COMMD1: variants seen among roughly 807,000 people sequenced by gnomAD.
COMMD1 encodes copper metabolism domain containing 1.
COMMD1 carries 10 observed loss-of-function variants against 17.2 expected under a neutral mutation model. The ratio of observed to expected loss-of-function variants is 0.58; its 90% CI spans 0.36 to 0.99. COMMD1 has a LOEUF of 0.99. Ranked by LOEUF, COMMD1 falls within the 50% of genes least tolerant of loss-of-function variation. The pLI, the probability that COMMD1 is intolerant of heterozygous loss-of-function variation, is 0.01. For missense variants in COMMD1, 270 were observed against 231.8 expected, an observed-to-expected ratio of 1.17 and a Z score of -1.07; for synonymous variants, 97 against 91.6, an observed-to-expected ratio of 1.06 and a Z score of -0.34.
intron 1 of COMMD1, among the ~76,000 whole-genome samples, chr2:61,988,132 G>A (rs967389041): frequency 6.6e-6 from 1 of 152,128 alleles, no homozygotes; most frequent in Non-Finnish European, 1.5e-5. Context: ...TGAGGCTCCA[G>A]AGTCTGTTTG....
chr2:61,970,170 A>G (rs1351787424), intron 1 of COMMD1, among the ~76,000 whole-genome samples: 20 of 151,816 alleles, frequency 1.3e-4, no homozygotes, highest in Admixed American at 1.3e-3. Flanking sequence ...AGGCAGGGGA[A>G]TCGCTTGAAC....
chr2:62,081,550 C>G (rs1346763332), intron 2 of COMMD1, among the ~76,000 whole-genome samples: 1 of 151,980 alleles, frequency 6.6e-6, no homozygotes, highest in Non-Finnish European at 1.5e-5. Context: ...GTGCCTGGCC[C>G]AATCTAGATT....
intron 2 of COMMD1, chr2:62,118,945 A>C (rs988275408): frequency 6.6e-6 from 1 of 152,266 alleles, no homozygotes; most frequent in Non-Finnish European, 1.5e-5. Context: ...CTTGATAAGC[A>C]CAGGACCCTC....
intron 2 of COMMD1, among the ~76,000 whole-genome samples, chr2:62,017,662 C>T (rs1188204144): frequency 6.6e-6 from 1 of 151,112 alleles, no homozygotes; most frequent in African/African-American, 2.4e-5. Flanking sequence ...AAGAGTGAGA[C>T]CCTGTCTCCA....
intron 2 of COMMD1, among the ~76,000 whole-genome samples, chr2:62,023,950 A>G (rs907207804): frequency 6.6e-6 from 1 of 152,240 alleles, no homozygotes; most frequent in African/African-American, 2.4e-5. Context: ...CCAATATTGG[A>G]AAATGTTTAT....
intron 1 of COMMD1, among the ~76,000 whole-genome samples, chr2:61,895,318 G>T (rs984088310): frequency 7.2e-5 from 11 of 152,184 alleles, no homozygotes; most frequent in Admixed American, 6.5e-5. Flanking sequence ...TGAAACACTT[G>T]TGGAGCCCAA....
At chr2:62,034,174 G>A (rs954497092) in intron 2 of COMMD1, among the ~76,000 whole-genome samples, 2 of 151,778 alleles carry the variant, frequency 1.3e-5, no homozygotes, top group African/African-American at 4.8e-5. Flanking sequence ...ATGTTAGGTA[G>A]GAGACTGTTT....
intron 2 of COMMD1, among the ~76,000 whole-genome samples, chr2:62,037,076 C>G (rs780622587): frequency 1.3e-5 from 2 of 152,164 alleles, no homozygotes; most frequent in African/African-American, 4.8e-5. Flanking sequence ...TGCTCTTTAC[C>G]ATTTGCATTT....
intron 1 of COMMD1, among the ~76,000 whole-genome samples, chr2:61,997,402 A>T (rs974166196): frequency 1.3e-5 from 2 of 152,136 alleles, no homozygotes; most frequent in African/African-American, 4.8e-5. Flanking sequence ...TTTACGGTCA[A>T]AATTACTTCT....
intron 2 of COMMD1, among the ~76,000 whole-genome samples, chr2:62,022,480 C>T (rs116585038): frequency 1.8e-3 from 260 of 142,334 alleles, no homozygotes; most frequent in African/African-American, 6.0e-3. Flanking sequence ...TACATGAAGC[C>T]GAGGCCAGTG....
intron 2 of COMMD1, among the ~76,000 whole-genome samples, chr2:62,129,052 C>A (rs1672958488): frequency 1.3e-5 from 2 of 152,066 alleles, no homozygotes; most frequent in African/African-American, 4.8e-5. Context: ...AACCTTCTTA[C>A]CAACCTAGGC....
Position 62,076,578 on chromosome 2 carries a change from C to T in COMMD1, c.463-59253C>T, listed in dbSNP as rs189592802. Among the ~76,000 whole-genome samples the T allele has an allele frequency of 3.9e-5, 6 of 152,228 alleles. No homozygotes were observed. The East Asian group carries it at 7.7e-4, about 20-fold the overall frequency. On this transcript the variant is annotated intron_variant, in intron 2 of 2. Transcript: ENST00000311832. ...CCTTGGCAACATGGTGAAACCCCGT[C>T]GCTACTAAAAACACAAAAACTAGCC...
intron 1 of COMMD1, among the ~76,000 whole-genome samples, chr2:61,967,796 AG>A (rs1231179857): frequency 6.6e-6 from 1 of 152,220 alleles, no homozygotes; most frequent in Non-Finnish European, 1.5e-5. Flanking sequence ...AAGTGTATTC[AG>A]TCCTGAATGT....
At position 61,914,171 on chromosome 2, in the gene COMMD1, C is replaced by CAAAT. The variant is rs561345159; in HGVS notation, c.180+8329_180+8332dup. On this transcript the variant is annotated intron_variant, in intron 1 of 2. Coordinates refer to ENST00000311832, the MANE Select transcript of COMMD1 (RefSeq NM_152516.4). ...TGGTCAACAGAGGGAGACTCCATCT[C>CAAAT]AAATAAATAAATAAATAAAATTGGA... 2.8e-4 allele frequency among the ~76,000 whole-genome samples: 42 copies of CAAAT among 151,512 alleles called. No homozygotes were observed. The South Asian group carries it at 3.6e-3, about 13-fold the overall frequency.
At chr2:61,956,763 G>GT (rs1040366558) in intron 1 of COMMD1, among the ~76,000 whole-genome samples, 2 of 142,118 alleles carry the variant, frequency 1.4e-5, no homozygotes, top group South Asian at 2.3e-4. Context: ...TGTTTGTTTT[G>GT]TTTTTTGCGA....
At chr2:62,060,155 C>G (rs1670820276) in intron 2 of COMMD1, among the ~76,000 whole-genome samples, 1 of 152,054 alleles carries the variant, frequency 6.6e-6, no homozygotes, top group Admixed American at 6.6e-5. Context: ...ATGGTGAAAC[C>G]CTGTCTCTAT....
chr2:61,952,952 A>G lies in COMMD1; in HGVS notation c.180+47094A>G, dbSNP rs866185847. On this transcript the variant is annotated intron_variant, in intron 1 of 2. Transcript: ENST00000311832. ...AACTGCACCATTTTGTGCTCCTACT[A>G]ACAGTTCATAATAGTTTCAGTTCTT... is the stretch of plus-strand genomic sequence containing the variant. Among the ~76,000 whole-genome samples the G allele has an allele frequency of 4.9e-4, 74 of 152,308 alleles. 1 individual carries two copies. The highest frequency in any genetic ancestry group is 2.1e-4 in the South Asian group (1 of 4,828).
chr2:62,012,637 A>G (rs1403324288), intron 2 of COMMD1, among the ~76,000 whole-genome samples: 1 of 152,050 alleles, frequency 6.6e-6, no homozygotes, highest in Non-Finnish European at 1.5e-5. Context: ...GTGATTTAGT[A>G]CAAGTCCCTA....
At chr2:62,000,257 T>C (rs1427385758) in intron 1 of COMMD1, among the ~76,000 whole-genome samples, 1 of 150,868 alleles carries the variant, frequency 6.6e-6, no homozygotes, top group Non-Finnish European at 1.5e-5. Flanking sequence ...TTTATTAAAA[T>C]TTATTTCAGT....
Sources: gnomAD v4.1 joint callset for allele counts (sites outside exome capture counted in the v4.1 genomes callset) on GRCh38, gnomAD v4.1.1 for gene constraint, MANE v1.5 for transcripts, NCBI Gene and HGNC (gene_info 2026-07-23, HGNC 2026-07-21) for gene names.